The following CEP192 variants were observed in gnomAD, a reference collection of about 807,000 sequenced individuals.
The protein encoded by CEP192 is centrosomal protein 192.
A neutral mutation model predicts 271.8 loss-of-function variants in CEP192; 151 were observed. The ratio of observed to expected loss-of-function variants is 0.56; its 90% CI spans 0.49 to 0.64. CEP192 has a LOEUF of 0.64. Among genes scored for constraint, CEP192 ranks in the 30% least tolerant of loss-of-function variants. The pLI is 0.00. For synonymous variants in CEP192, 995 were observed against 1,076.5 expected (o/e 0.92, Z 1.48); for missense variants, 2,910 against 3,020.5 (o/e 0.96, Z 0.86).
In CEP192 at chr18:13,117,579, T is replaced by C. The variant is rs767906808; in HGVS notation, c.7417-6T>C. The C allele has an allele frequency of 1.2e-6, 2 of 1,600,316 alleles. No individual in the cohort carries two copies. The highest frequency in any genetic ancestry group is 1.7e-6 in the Non-Finnish European group (2 of 1,167,588). On this transcript the variant is annotated splice_polypyrimidine_tract_variant and splice_region_variant and intron_variant, in intron 43 of 44. Coordinates refer to ENST00000506447, the MANE Select transcript of CEP192 (RefSeq NM_032142.4). Reference sequence around the variant, plus strand: ...ACTTTATAAAGTGTCTTCTATTAAATTCCAGCTGAAGTTTTTGAGTCCCAG... The same window carrying C: ...ACTTTATAAAGTGTCTTCTATTAAACTCCAGCTGAAGTTTTTGAGTCCCAG...
Position 13,067,953 on chromosome 18 carries a change from T to C in CEP192, c.4611T>C (p.Asn1537=), listed in dbSNP as rs1348327513. ...CTGTGCCAATTAGACTGATTATTAA[T>C]GCTGTAAGTATGAACATACAGTAAG... ...HATVPIRLII[N]ANAVAWRCFT... Residue 1537 remains asparagine (N), a synonymous_variant, in exon 22 of 45, where the codon AAT becomes AAC. Coordinates refer to ENST00000506447, the MANE Select transcript of CEP192 (RefSeq NM_032142.4). 1 of 1,607,720 alleles carries C rather than the reference T, an allele frequency of 6.2e-7. No individual in the cohort carries two copies. The highest frequency in any genetic ancestry group is 1.1e-5 in the South Asian group (1 of 90,912).
rs2039203399 is a variant in CEP192, at chr18:13,092,679, C to T, written c.6254+152C>T. 4 of 662,570 alleles carry T rather than the reference C, an allele frequency of 6.0e-6. No homozygotes were observed. In the South Asian group the frequency reaches 8.4e-5, roughly 14 times the overall value. The allele number at this position is 662,570 out of a possible 1,614,324, so 41.0% of individuals were successfully genotyped here. A position where few individuals can be genotyped will look rare whatever the true frequency, so the allele number is the denominator to read the frequency against. ...TTTAAAATTTAAGTTGAAATAATTT[C>T]AAACTTTCAGGAAAGTTTAGAAATA... On this transcript the variant is annotated intron_variant, in intron 34 of 44. Transcript: ENST00000506447.
intron 40 of CEP192, among the ~76,000 whole-genome samples, chr18:13,110,593 T>C (rs2040166661): frequency 6.6e-6 from 1 of 152,124 alleles, no homozygotes. Context: ...AGGATATATG[T>C]ATATATGAAA....
chr18:13,092,966 AAC>A (rs1337617932), intron 34 of CEP192, among the ~76,000 whole-genome samples: 1 of 152,140 alleles, frequency 6.6e-6, no homozygotes, highest in Non-Finnish European at 1.5e-5. Context: ...CATCCTGGCT[AAC>A]ACAGTGAAAC....
intron 37 of CEP192, 136 bp downstream of exon 37, chr18:13,099,717 T>C (rs898682780): frequency 4.9e-5 from 27 of 551,398 alleles, no homozygotes; most frequent in Non-Finnish European, 6.8e-5. Context: ...TGGGTTCCAC[T>C]TCCAGGGATT....
intron 15 of CEP192, among the ~76,000 whole-genome samples, chr18:13,045,227 G>A (rs1366215216): frequency 6.6e-6 from 1 of 151,440 alleles, no homozygotes; most frequent in African/African-American, 2.4e-5. Flanking sequence ...CCTATTTTCT[G>A]GTCTTCATTT....
rs148689929 is a variant in CEP192 at position 13,056,156 on chromosome 18, G to T, written c.3566G>T (p.Cys1189Phe). 2 of 1,613,574 alleles carry T rather than the reference G, an allele frequency of 1.2e-6. No individual in the cohort carries two copies. The highest frequency in any genetic ancestry group is 1.7e-6 in the Non-Finnish European group (2 of 1,179,766). Residue 1189 changes from cysteine to phenylalanine, a missense_variant, in exon 19 of 45, where the codon TGC becomes TTC. By Grantham distance (205) the Cys-to-Phe change is radical (BLOSUM62 -2). Transcript: ENST00000506447. Reference protein sequence around the residue: ...VGSATSHPVSCQEPIDEDQRI... With the variant: ...VGSATSHPVSFQEPIDEDQRI... Reference sequence around the variant, plus strand: ...TCAGCCACATCACACCCTGTGTCCTGCCAGGAGCCTATAGATGAAGATCAA... The same window carrying T: ...TCAGCCACATCACACCCTGTGTCCTTCCAGGAGCCTATAGATGAAGATCAA...
At chr18:13,038,096 C>G (rs1218832817) in intron 12 of CEP192, among the ~76,000 whole-genome samples, 2 of 152,134 alleles carry the variant, frequency 1.3e-5, no homozygotes, top group Non-Finnish European at 2.9e-5. Context: ...ATCTTGGCCT[C>G]CCAGGTAGCT....
chr18:13,085,710 G>A lies in CEP192; in HGVS notation c.5617-1307G>A, dbSNP rs960697473. On this transcript the variant is annotated intron_variant, in intron 30 of 44. Transcript: ENST00000506447. ...TCAAAGATCAGATGGTTGTAGATGTGTGGTGTTATTTTTGAGGCCTCTATT... is the reference window on the plus strand; with the variant it reads ...TCAAAGATCAGATGGTTGTAGATGTATGGTGTTATTTTTGAGGCCTCTATT... Among the ~76,000 whole-genome samples the A allele has an allele frequency of 3.3e-5, 5 of 152,244 alleles. No individual in the cohort carries two copies. The South Asian group carries it at 1.0e-3, about 32-fold the overall frequency.
At chr18:13,091,720 A>G (rs1057035717) in intron 33 of CEP192, among the ~76,000 whole-genome samples, 2 of 152,174 alleles carry the variant, frequency 1.3e-5, no homozygotes, top group African/African-American at 2.4e-5. Context: ...CTAATTTAAC[A>G]TTTCTTGTTT....
intron 6 of CEP192, among the ~76,000 whole-genome samples, chr18:13,015,770 G>A (rs1201648421): frequency 6.7e-6 from 1 of 150,314 alleles, no homozygotes; most frequent in South Asian, 2.1e-4. Context: ...TTTTGAGATG[G>A]AATCTCGCTT....
chr18:13,120,796 A>T (rs2040624273), intron 44 of CEP192, among the ~76,000 whole-genome samples: 1 of 152,248 alleles, frequency 6.6e-6, no homozygotes, highest in Admixed American at 6.5e-5. Context: ...AATAGCTTTA[A>T]TAGCAGCAGT....
At position 12,996,485 on chromosome 18, in the gene CEP192, T is replaced by C. The variant is rs575494369; in HGVS notation, c.-4-2936T>C. On this transcript the variant is annotated intron_variant, in intron 1 of 44. Coordinates refer to ENST00000506447, the MANE Select transcript of CEP192 (RefSeq NM_032142.4). ...CTAAGTGGAAGTGTTGTGGAGGCGG[T>C]TGAATACCTGAGGTTCGGGGAAAGG... Among the ~76,000 whole-genome samples the C allele has an allele frequency of 3.3e-5, 5 of 152,158 alleles. No individual in the cohort carries two copies. The East Asian group carries it at 9.7e-4, about 29-fold the overall frequency.
intron 21 of CEP192, among the ~76,000 whole-genome samples, chr18:13,066,798 C>A (rs1321904194): frequency 6.6e-6 from 1 of 152,126 alleles, no homozygotes; most frequent in Admixed American, 6.5e-5. Context: ...AGCTTGAAGT[C>A]ACATCTTCTG....
intron 14 of CEP192, among the ~76,000 whole-genome samples, chr18:13,041,547 C>G (rs553797165): frequency 2.0e-5 from 3 of 150,556 alleles, no homozygotes; most frequent in African/African-American, 7.3e-5. Flanking sequence ...CCACTTATTT[C>G]TTTCTTTTCT....
chr18:13,069,667 G>A, intron 26 of CEP192, 71 bp from the exon 27 acceptor site: 1 of 825,284 alleles, frequency 1.2e-6, no homozygotes. Flanking sequence ...CGCACGTAAG[G>A]CAGGAGCCAC....
chr18:13,091,952 A>G (rs954749205), intron 33 of CEP192, among the ~76,000 whole-genome samples: 2 of 152,208 alleles, frequency 1.3e-5, no homozygotes, highest in Non-Finnish European at 2.9e-5. Flanking sequence ...TTGTTTTGAA[A>G]ATTAACTAAA....
rs2282541 is a variant in CEP192, at chr18:13,056,334, C to T, written c.3744C>T (p.His1248=). ...ADMQNMPAAV[H]ALLTQPSLSA... is the part of the protein sequence containing the mutation. The stretch of plus-strand genomic sequence containing the variant: ...TGCAGAACATGCCTGCTGCTGTGCA[C>T]GCACTCTTGACACAACCCTCTCTCA... The change falls in exon 19 of 45, where the codon CAC becomes CAT. Residue 1248 remains histidine (H), a synonymous_variant. Transcript: ENST00000506447. The T allele has an allele frequency of 0.31, 505,479 of 1,613,812 alleles. 81,602 individuals are homozygous for T. Among genetic ancestry groups the T allele is most frequent in the Admixed American group, 0.39 (23,389 of 59,980 alleles).
chr18:13,091,253 G>A (rs1269001386), intron 33 of CEP192, among the ~76,000 whole-genome samples: 1 of 152,198 alleles, frequency 6.6e-6, no homozygotes, highest in Admixed American at 6.5e-5. Flanking sequence ...TACACATATT[G>A]TATTAAGAGT....
Sources: gnomAD v4.1 joint callset for allele counts (sites outside exome capture counted in the v4.1 genomes callset) on GRCh38, gnomAD v4.1.1 for gene constraint, MANE v1.5 for transcripts, NCBI Gene and HGNC (gene_info 2026-07-23, HGNC 2026-07-21) for gene names.